Variants in PRSS35 observed in about 807,000 individuals in gnomAD.
PRSS35 encodes the protein serine protease 35, also known as inactive serine protease 35.
In PRSS35, 7 loss-of-function variants were observed where a neutral mutation model predicts 8.1. That is an observed-to-expected ratio of 0.86 (90% CI 0.49 to 1.62). The LOEUF (loss-of-function observed/expected upper bound fraction) is 1.62, where lower values mean the gene tolerates loss of function less well. PRSS35 is among the 40% of genes most tolerant of loss of function. PRSS35 has a pLI of 0.00. For missense variants in PRSS35, 566 were observed against 518.0 expected (o/e 1.09, Z -0.90); for synonymous variants, 199 against 188.7 (o/e 1.05, Z -0.45).
chr6:83,515,397 TGTTTTTA>T (rs1162754826), intron 1 of PRSS35, among the ~76,000 whole-genome samples: 1 of 147,292 alleles, frequency 6.8e-6, no homozygotes, highest in African/African-American at 2.7e-5. Context: ...CGTGATCTTC[TGTTTTTA>T]GTTTTAAAAT....
At chr6:83,520,345 C>T (rs958663758) in intron 1 of PRSS35, among the ~76,000 whole-genome samples, 1 of 152,094 alleles carries the variant, frequency 6.6e-6, no homozygotes, top group Non-Finnish European at 1.5e-5. Context: ...TCTGGAGGGC[C>T]GGTTAAACCT....
intron 1 of PRSS35, 97 bp downstream of exon 1, chr6:83,512,791 T>G (rs555924925): frequency 1.1e-4 from 17 of 152,256 alleles, no homozygotes; most frequent in African/African-American, 4.1e-4. Context: ...TGAAGGACTT[T>G]GAAGAAAGGG....
intron 1 of PRSS35, among the ~76,000 whole-genome samples, chr6:83,514,001 A>G (rs1178490473): frequency 6.6e-6 from 1 of 152,220 alleles, no homozygotes; most frequent in East Asian, 1.9e-4. Flanking sequence ...GTAACTTTGC[A>G]GATGAGAAAT....
At chr6:83,515,360 T>C (rs1771692324) in intron 1 of PRSS35, among the ~76,000 whole-genome samples, 2 of 152,232 alleles carry the variant, frequency 1.3e-5, no homozygotes, top group South Asian at 4.1e-4. Flanking sequence ...TCTAGCAATA[T>C]TGCATCCTAC....
chr6:83,520,668 A>G (rs1583459135), intron 1 of PRSS35, among the ~76,000 whole-genome samples: 2 of 152,356 alleles, frequency 1.3e-5, no homozygotes, highest in South Asian at 2.1e-4. Flanking sequence ...TTCAAATAGC[A>G]TTGAAAATTT....
chr6:83,518,851 C>T (rs1771770518), intron 1 of PRSS35, among the ~76,000 whole-genome samples: 1 of 151,828 alleles, frequency 6.6e-6, no homozygotes, highest in Non-Finnish European at 1.5e-5. Context: ...CTCATTTAAT[C>T]TCCATAACAA....
chr6:83,513,039 GT>G (rs1015463173), intron 1 of PRSS35, among the ~76,000 whole-genome samples: 26 of 152,252 alleles, frequency 1.7e-4, no homozygotes, highest in Non-Finnish European at 1.5e-4. Flanking sequence ...CTTTGGCGGG[GT>G]TACTATGAAA....
chr6:83,512,879 GCA>G (rs1771648167), intron 1 of PRSS35, among the ~76,000 whole-genome samples, 185 bp downstream of exon 1: 1 of 152,162 alleles, frequency 6.6e-6, no homozygotes, highest in Admixed American at 6.5e-5. Context: ...GCCGGCCTCT[GCA>G]CAGTTTAATA....
At chr6:83,513,785 T>C (rs894480006) in intron 1 of PRSS35, among the ~76,000 whole-genome samples, 1 of 151,938 alleles carries the variant, frequency 6.6e-6, no homozygotes, top group Non-Finnish European at 1.5e-5. Flanking sequence ...CGTTTTAAAA[T>C]GTGAGACTGT....
At chr6:83,520,407 C>T (rs551237009) in intron 1 of PRSS35, among the ~76,000 whole-genome samples, 1 of 152,288 alleles carries the variant, frequency 6.6e-6, no homozygotes, top group South Asian at 2.1e-4. Flanking sequence ...AACAGTAGGT[C>T]TGGGGCAGGC....
Position 83,524,192 on chromosome 6 carries a change from T to C in PRSS35, c.751T>C (p.Trp251Arg), listed in dbSNP as rs185512193. Reference protein sequence around the residue: ...RIAEGRPSFQWTRVKNTHIPK... With the variant: ...RIAEGRPSFQRTRVKNTHIPK... ...TGCCGAAGGGAGGCCTTCCTTTCAG[T>C]GGACCCGGGTCAAGAATACCCACAT... is the stretch of plus-strand genomic sequence containing the variant. The change falls in exon 2 of 2, where the codon TGG (tryptophan) becomes CGG (arginine). Residue 251 changes from tryptophan (W) to arginine (R), a missense_variant. Coordinates refer to ENST00000369700, the MANE Select transcript of PRSS35 (RefSeq NM_153362.3). 10 of 1,614,072 alleles carry C rather than the reference T, an allele frequency of 6.2e-6. No individual in the cohort carries two copies. In the Admixed American group the frequency reaches 1.3e-4, roughly 22 times the overall value.
chr6:83,517,838 A>G (rs560850839), intron 1 of PRSS35, among the ~76,000 whole-genome samples: 34 of 152,360 alleles, frequency 2.2e-4, no homozygotes, highest in Middle Eastern at 3.4e-3. Context: ...TAACATACAC[A>G]CTAAAGTAGA....
chr6:83,524,809 T>G lies in PRSS35; in HGVS notation c.*126T>G. The G allele has an allele frequency of 2.8e-6, 3 of 1,075,516 alleles. No homozygotes were observed. In the South Asian group the frequency reaches 5.7e-5, roughly 21 times the overall value. The allele number at this position is 1,075,516 out of a possible 1,614,324, so 66.6% of individuals were successfully genotyped here. ...TCTGTCAATAGCATTTCAACATTTT[T>G]CAAAATCAGGAGATTTTCGTCCATT... On this transcript the variant is annotated 3_prime_UTR_variant, in exon 2 of 2. Coordinates refer to ENST00000369700, the MANE Select transcript of PRSS35 (RefSeq NM_153362.3).
chr6:83,516,057 C>T lies in PRSS35; in HGVS notation c.-21+3363C>T, dbSNP rs528865802. On this transcript the variant is annotated intron_variant, in intron 1 of 1. Transcript: ENST00000369700. The stretch of plus-strand genomic sequence containing the variant: ...CTGGAACTCCTCACCTCAAGTGATC[C>T]GCCCACCTAGGCCTCCCAAACTGCT... Among the ~76,000 whole-genome samples, 6 of 151,738 alleles carry T rather than the reference C, an allele frequency of 4.0e-5. No homozygotes were observed. In the South Asian group the frequency reaches 6.2e-4, roughly 16 times the overall value.
At position 83,525,063 on chromosome 6, in the gene PRSS35, T is replaced by G. The variant is rs1583461557; in HGVS notation, c.*380T>G. The G allele has an allele frequency of 1.0e-5, 2 of 191,588 alleles. No homozygotes were observed. The highest frequency in any genetic ancestry group is 2.4e-5 in the Non-Finnish European group (2 of 83,730). The allele number at this position is 191,588 out of a possible 1,614,324, so 11.9% of individuals were successfully genotyped here. ...AGAATCTAATAGGATGCTGGTTGTG[T>G]ATTAAATGTGAAATTGCATAGATAA... On this transcript the variant is annotated 3_prime_UTR_variant, in exon 2 of 2. Coordinates refer to ENST00000369700, the MANE Select transcript of PRSS35 (RefSeq NM_153362.3).
chr6:83,523,493 A>G lies in PRSS35; in HGVS notation c.52A>G (p.Ile18Val). The G allele has an allele frequency of 1.2e-6, 2 of 1,614,172 alleles. No homozygotes were observed. Among genetic ancestry groups the G allele is most frequent in the Non-Finnish European group, 8.5e-7 (1 of 1,180,018 alleles). Residue 18 changes from isoleucine to valine, a missense_variant, in exon 2 of 2, where the codon ATT (isoleucine) becomes GTT (valine). By Grantham distance (29) the Ile-to-Val change is conservative. Transcript: ENST00000369700. Reference protein sequence around the residue: ...LIFFTPGWTLIDGSEMEWDFM... With the variant: ...LIFFTPGWTLVDGSEMEWDFM... Reference sequence around the variant, plus strand: ...ATTTTTCACCCCTGGGTGGACCCTCATTGATGGATCTGAAATGGAATGGGA... The same window carrying G: ...ATTTTTCACCCCTGGGTGGACCCTCGTTGATGGATCTGAAATGGAATGGGA...
At chr6:83,518,215 G>A (rs769474180) in intron 1 of PRSS35, among the ~76,000 whole-genome samples, 2 of 151,748 alleles carry the variant, frequency 1.3e-5, no homozygotes, top group African/African-American at 2.4e-5. Flanking sequence ...AAACTTCTAG[G>A]GTAAAAAACA....
intron 1 of PRSS35, among the ~76,000 whole-genome samples, chr6:83,519,216 T>C (rs1771776359): frequency 6.6e-6 from 1 of 152,224 alleles, no homozygotes; most frequent in African/African-American, 2.4e-5. Flanking sequence ...ACAGATATTC[T>C]TACTTCTTCC....
Position 83,524,473 on chromosome 6 carries a change from C to T in PRSS35, c.1032C>T (p.Gly344=). 1 of 1,614,094 alleles carries T rather than the reference C, an allele frequency of 6.2e-7. No individual in the cohort carries two copies. Residue 344 remains glycine (G), a synonymous_variant, in exon 2 of 2, where the codon GGC becomes GGT. Coordinates refer to ENST00000369700, the MANE Select transcript of PRSS35 (RefSeq NM_153362.3). ...ACCAATACTGCGATGCTGAGTCGGG[C>T]TCCACCGGTTCGGGGGTCTATCTGC... ...LLYQYCDAES[G]STGSGVYLRL... is the part of the protein sequence containing the mutation.
Sources: gnomAD v4.1 joint callset for allele counts (sites outside exome capture counted in the v4.1 genomes callset) on GRCh38, gnomAD v4.1.1 for gene constraint, MANE v1.5 for transcripts, NCBI Gene and HGNC (gene_info 2026-07-23, HGNC 2026-07-21) for gene names.